STK33: variants seen among roughly 807,000 people sequenced by gnomAD.
STK33 encodes the protein serine/threonine-protein kinase 33.
A neutral mutation model predicts 58.0 loss-of-function variants in STK33; 52 were observed. That is an observed-to-expected ratio of 0.90 (90% CI 0.72 to 1.13). STK33 has a LOEUF of 1.13. Among genes scored for constraint, STK33 ranks in the 50% most tolerant of loss-of-function variants. The probability of loss-of-function intolerance (pLI) is 0.00; values close to 1 mark genes in which losing one functional copy is unlikely to be tolerated. For missense variants in STK33, 630 were observed against 604.2 expected (o/e 1.04, Z -0.45); for synonymous variants, 215 against 200.1 (o/e 1.07, Z -0.63).
chr11:8,468,865 A>G (rs1423097091), intron 6 of STK33, among the ~76,000 whole-genome samples: 1 of 152,234 alleles, frequency 6.6e-6, no homozygotes, highest in Non-Finnish European at 1.5e-5. Flanking sequence ...AAATTGCAAT[A>G]AAGCATATAA....
intron 1 of STK33, among the ~76,000 whole-genome samples, chr11:8,570,364 A>G (rs936765605): frequency 1.3e-5 from 2 of 152,244 alleles, no homozygotes; most frequent in South Asian, 2.1e-4. Context: ...CAGCTTTTCT[A>G]TAAGGTAAAC....
At chr11:8,525,396 G>A (rs1238574452) in intron 1 of STK33, among the ~76,000 whole-genome samples, 1 of 152,136 alleles carries the variant, frequency 6.6e-6, no homozygotes, top group Non-Finnish European at 1.5e-5. Context: ...ATTGGTTTAA[G>A]AACAGCCAAA....
intron 12 of STK33, 46 bp downstream of exon 12, chr11:8,440,632 G>C: frequency 6.8e-7 from 1 of 1,479,406 alleles, no homozygotes; most frequent in East Asian, 2.5e-5. Context: ...TCTACTGTTA[G>C]AAACTATCCA....
chr11:8,573,390 T>C (rs952768507), intron 1 of STK33, among the ~76,000 whole-genome samples: 1 of 152,160 alleles, frequency 6.6e-6, no homozygotes, highest in African/African-American at 2.4e-5. Flanking sequence ...CAATGAAGTA[T>C]CATCAATCAG....
the STK33 span, among the ~76,000 whole-genome samples, chr11:8,376,594 T>G: frequency 6.6e-6 from 1 of 151,730 alleles, no homozygotes; most frequent in Non-Finnish European, 1.5e-5. Flanking sequence ...CAGGCTGGAG[T>G]GCAGTGGCAT....
chr11:8,561,211 A>T (rs1168783736), intron 1 of STK33, among the ~76,000 whole-genome samples: 1 of 152,088 alleles, frequency 6.6e-6, no homozygotes, highest in African/African-American at 2.4e-5. Context: ...AATTTTACTC[A>T]TGAGGCATTT....
intron 1 of STK33, among the ~76,000 whole-genome samples, chr11:8,498,304 CAGAG>C (rs1302660451): frequency 6.6e-6 from 1 of 152,102 alleles, no homozygotes; most frequent in Non-Finnish European, 1.5e-5. Context: ...AACAGACAAA[CAGAG>C]AGCCAAATCA....
chr11:8,427,158 C>A lies in STK33; in HGVS notation c.1146+8336G>T, dbSNP rs576407866. Among the ~76,000 whole-genome samples the A allele has an allele frequency of 3.0e-3, 460 of 152,240 alleles. 1 individual carries two copies. The highest frequency in any genetic ancestry group is 4.9e-3 in the Non-Finnish European group (336 of 68,016). ...GTACTTCTACCATGTGTTTTAACTC[C>A]TGTGGCAAACCCTCTGAGCTCTTGT... On this transcript the variant is annotated intron_variant, in intron 14 of 15. Coordinates refer to ENST00000687296, the MANE Select transcript of STK33 (RefSeq NM_001352389.2).
chr11:8,480,380 T>C (rs748206335), intron 2 of STK33, 30 bp downstream of exon 2: 15 of 152,216 alleles, frequency 9.9e-5, no homozygotes, highest in Non-Finnish European at 1.6e-4. Flanking sequence ...AGCAGACATT[T>C]AAAGGAACAG....
Position 8,494,773 on chromosome 11 carries a change from G to C in STK33, c.-465-14159C>G, listed in dbSNP as rs541932156. ...TATAGATCAATGGAACAGAACAGAG[G>C]CCTCAGAAATAACACCACACATCTA... On this transcript the variant is annotated intron_variant, in intron 1 of 15. Coordinates refer to ENST00000687296, the MANE Select transcript of STK33 (RefSeq NM_001352389.2). Among the ~76,000 whole-genome samples, 6 of 152,186 alleles carry C rather than the reference G, an allele frequency of 3.9e-5. No individual in the cohort carries two copies. In the South Asian group the frequency reaches 8.3e-4, roughly 21 times the overall value.
At chr11:8,338,891 G>A in the STK33 span, among the ~76,000 whole-genome samples, 1 of 152,340 alleles carries the variant, frequency 6.6e-6, no homozygotes, top group African/African-American at 2.4e-5. Context: ...CTGGCTCCAA[G>A]TAAGTTCTTA....
the STK33 span, among the ~76,000 whole-genome samples, chr11:8,367,158 T>A: frequency 1.3e-5 from 2 of 152,250 alleles, no homozygotes; most frequent in Non-Finnish European, 2.9e-5. Flanking sequence ...GTACAAAGCG[T>A]GTGTGTATAA....
intron 1 of STK33, among the ~76,000 whole-genome samples, chr11:8,523,082 G>A (rs971029824): frequency 2.0e-5 from 3 of 152,204 alleles, no homozygotes; most frequent in Non-Finnish European, 2.9e-5. Context: ...ACGGAGTCTC[G>A]CTCACTCAGT....
intron 1 of STK33, among the ~76,000 whole-genome samples, chr11:8,512,957 C>T (rs1952460246): frequency 6.6e-6 from 1 of 152,168 alleles, no homozygotes. Context: ...TTAGATTTCT[C>T]AAGGACTTAC....
downstream of STK33, among the ~76,000 whole-genome samples, chr11:8,391,049 C>T (rs1351471007): frequency 1.3e-5 from 2 of 152,166 alleles, no homozygotes; most frequent in Non-Finnish European, 2.9e-5. Flanking sequence ...CCGGAGGTGA[C>T]GGAACTGCAG....
chr11:8,562,999 G>C (rs1220238240), intron 1 of STK33, among the ~76,000 whole-genome samples: 1 of 152,116 alleles, frequency 6.6e-6, no homozygotes, highest in Non-Finnish European at 1.5e-5. Context: ...TTATGGATTA[G>C]ATTATTCTAG....
intron 1 of STK33, among the ~76,000 whole-genome samples, chr11:8,578,214 T>A (rs1282459941): frequency 6.6e-6 from 1 of 152,116 alleles, no homozygotes. Context: ...ACCTTCTGTA[T>A]TAGTGAATTT....
chr11:8,438,652 A>G (rs1391988928), intron 12 of STK33, among the ~76,000 whole-genome samples: 1 of 152,180 alleles, frequency 6.6e-6, no homozygotes, highest in Non-Finnish European at 1.5e-5. Flanking sequence ...AAGAAAGAGA[A>G]AGATATTTAA....
At chr11:8,547,037 G>GC (rs1414566267) in intron 1 of STK33, among the ~76,000 whole-genome samples, 1 of 152,124 alleles carries the variant, frequency 6.6e-6, no homozygotes, top group African/African-American at 2.4e-5. Flanking sequence ...TACCAACAGT[G>GC]CACTGGCTTC....
Sources: allele counts gnomAD v4.1 joint callset (sites outside exome capture counted in the v4.1 genomes callset), GRCh38; gene constraint gnomAD v4.1.1; transcripts MANE v1.5; gene names NCBI Gene and HGNC (gene_info 2026-07-23, HGNC 2026-07-21).